PRKCE: variants seen among roughly 807,000 people sequenced by gnomAD.
PRKCE encodes protein kinase C epsilon type.
Under a neutral mutation model 85.4 loss-of-function variants are expected in PRKCE, and 16 were observed. That is an observed-to-expected ratio of 0.19 (90% CI 0.13 to 0.28). PRKCE has a LOEUF of 0.28. Among genes scored for constraint, PRKCE ranks in the 10% least tolerant of loss-of-function variants. PRKCE has a pLI of 1.00. For synonymous variants in PRKCE, 388 were observed against 371.5 expected, an observed-to-expected ratio of 1.04 and a Z score of -0.51; for missense variants, 573 against 975.2, an observed-to-expected ratio of 0.59 and a Z score of 5.49.
chr2:45,774,620 T>C lies in PRKCE; in HGVS notation c.349-68380T>C, dbSNP rs1685607082. On this transcript the variant is annotated intron_variant, in intron 1 of 14. Transcript: ENST00000306156. This position sits in a 1 kb window ranked among gnomAD's most constrained non-coding sequence, Gnocchi z 4.3. ...GAGCAGGCAGCCTGTGGGGTAGGGT[T>C]GCACTGAGAGGGGTATTCTGAAGCC... Among the ~76,000 whole-genome samples the C allele has an allele frequency of 6.6e-6, 1 of 152,116 alleles. No homozygotes were observed. Among genetic ancestry groups the C allele is most frequent in the Non-Finnish European group, 1.5e-5 (1 of 68,022 alleles).
Position 46,125,584 on chromosome 2 carries a change from G to GTCA in PRKCE, c.1593-19507_1593-19505dup, listed in dbSNP as rs1186930742. Among the ~76,000 whole-genome samples, 13 of 152,282 alleles carry GTCA rather than the reference G, an allele frequency of 8.5e-5. No homozygotes were observed. The South Asian group carries it at 2.7e-3, about 32-fold the overall frequency. On this transcript the variant is annotated intron_variant, in intron 11 of 14. Transcript: ENST00000306156. ...ACATCATCAGGAGAGAAATGAACTGGTCATTGACTTCATCTAGCCAAATTC... is the reference window on the plus strand; with the variant it reads ...ACATCATCAGGAGAGAAATGAACTGGTCATCATTGACTTCATCTAGCCAAATTC...
intron 2 of PRKCE, among the ~76,000 whole-genome samples, chr2:45,878,153 G>T (rs1362257159): frequency 1.3e-5 from 2 of 152,252 alleles, no homozygotes; most frequent in South Asian, 2.1e-4. Flanking sequence ...TCATTGGCTT[G>T]CCATGTGGCG....
chr2:45,798,994 C>T (rs1047775783), intron 1 of PRKCE, among the ~76,000 whole-genome samples: 19 of 151,884 alleles, frequency 1.3e-4, no homozygotes, highest in Middle Eastern at 3.4e-3. Flanking sequence ...GGTGAAACCC[C>T]GTCTCTACTA....
chr2:46,084,562 A>C (rs1283361920), intron 10 of PRKCE, among the ~76,000 whole-genome samples: 1 of 152,026 alleles, frequency 6.6e-6, no homozygotes, highest in Non-Finnish European at 1.5e-5. Context: ...TCTCTACTAA[A>C]AATAAAAAAA....
At chr2:46,025,051 G>A (rs752697195) in intron 10 of PRKCE, among the ~76,000 whole-genome samples, 3 of 152,046 alleles carry the variant, frequency 2.0e-5, no homozygotes, top group African/African-American at 4.8e-5. Flanking sequence ...AGGCTCCACT[G>A]AAAGAAAGCT....
chr2:45,998,768 CT>C (rs1308953984), intron 6 of PRKCE, among the ~76,000 whole-genome samples: 1 of 152,050 alleles, frequency 6.6e-6, no homozygotes, highest in African/African-American at 2.4e-5. Flanking sequence ...CATTTTCTGC[CT>C]TTTGTGGTTT....
chr2:45,863,573 C>A (rs1327946234), intron 2 of PRKCE, among the ~76,000 whole-genome samples: 1 of 152,068 alleles, frequency 6.6e-6, no homozygotes, highest in African/African-American at 2.4e-5. Flanking sequence ...GAGTCACAGG[C>A]AGTCCCTACT....
chr2:46,125,962 C>T (rs1673806504), intron 11 of PRKCE, among the ~76,000 whole-genome samples: 1 of 152,218 alleles, frequency 6.6e-6, no homozygotes. Flanking sequence ...TCTGCTCCAA[C>T]AGCATGGCAG....
At chr2:46,162,546 G>T (rs1677881004) in intron 14 of PRKCE, among the ~76,000 whole-genome samples, 1 of 152,152 alleles carries the variant, frequency 6.6e-6, no homozygotes, top group Admixed American at 6.5e-5. Flanking sequence ...CTGTGGAGGG[G>T]GGCGGGGTCA....
intron 8 of PRKCE, 124 bp from the exon 9 acceptor site, chr2:46,007,338 G>C: frequency 1.1e-6 from 1 of 897,786 alleles, no homozygotes; most frequent in Non-Finnish European, 1.7e-6. Flanking sequence ...TGTCACACTG[G>C]ATCTGTTGTG....
intron 10 of PRKCE, among the ~76,000 whole-genome samples, chr2:46,021,739 G>C (rs939507460): frequency 6.6e-6 from 1 of 152,090 alleles, no homozygotes; most frequent in African/African-American, 2.4e-5. Context: ...TATCTAACCC[G>C]GTCACCAAAC....
chr2:46,084,534 C>T (rs187281787), intron 10 of PRKCE, among the ~76,000 whole-genome samples: 118 of 151,968 alleles, frequency 7.8e-4, no homozygotes, highest in Non-Finnish European at 1.3e-3. Context: ...CCATCCTGGC[C>T]AACATGGTGA....
intron 1 of PRKCE, among the ~76,000 whole-genome samples, chr2:45,809,099 T>A (rs1462030313): frequency 6.6e-6 from 1 of 152,170 alleles, no homozygotes; most frequent in Non-Finnish European, 1.5e-5. Flanking sequence ...TTGGGCTTGG[T>A]GCATTCTAGC....
At chr2:45,979,862 C>CA (rs1702745527) in intron 4 of PRKCE, among the ~76,000 whole-genome samples, 1 of 152,162 alleles carries the variant, frequency 6.6e-6, no homozygotes, top group Admixed American at 6.5e-5. Flanking sequence ...AAAAAAGCCT[C>CA]AGAACCTCTG....
chr2:46,020,438 A>G (rs1706553522), intron 10 of PRKCE, among the ~76,000 whole-genome samples: 1 of 151,994 alleles, frequency 6.6e-6, no homozygotes, highest in Non-Finnish European at 1.5e-5. Flanking sequence ...TACCCATATT[A>G]TAATCTAATG....
chr2:45,651,985 G>C lies in PRKCE; in HGVS notation c.-116G>C. 2 of 790,530 alleles carry C rather than the reference G, an allele frequency of 2.5e-6. No homozygotes were observed. Among genetic ancestry groups the C allele is most frequent in the Non-Finnish European group, 4.1e-6 (2 of 485,166 alleles). 49.0% of individuals were successfully genotyped at this position (790,530 alleles called of 1,614,324 possible). A position where few individuals can be genotyped will look rare whatever the true frequency, so the allele number is the denominator to read the frequency against. ...GCCACAAGGTGTAGGGAGTGTGCGG[G>C]GTGGGGCGAAAGGGGACCCAAGAGT... On this transcript the variant is annotated 5_prime_UTR_variant, in exon 1 of 15. Coordinates refer to ENST00000306156, the MANE Select transcript of PRKCE (RefSeq NM_005400.3).
At chr2:46,087,206 T>G (rs991258207) in intron 11 of PRKCE, among the ~76,000 whole-genome samples, 2 of 151,938 alleles carry the variant, frequency 1.3e-5, no homozygotes, top group African/African-American at 2.4e-5. Context: ...TCGTTTCACC[T>G]AGAACTTGGT....
intron 2 of PRKCE, among the ~76,000 whole-genome samples, chr2:45,913,896 A>G (rs1697561084): frequency 6.6e-6 from 1 of 152,168 alleles, no homozygotes; most frequent in Non-Finnish European, 1.5e-5. Flanking sequence ...ATCCTGCCCA[A>G]ACTGGAGTGT....
At chr2:45,903,911 G>GTTT (rs1371845316) in intron 2 of PRKCE, among the ~76,000 whole-genome samples, 3 of 83,636 alleles carry the variant, frequency 3.6e-5, no homozygotes, top group African/African-American at 7.3e-5. Context: ...TTGTTTGTTT[G>GTTT]TTTGTTTTTT....
Sources: allele counts gnomAD v4.1 joint callset (sites outside exome capture counted in the v4.1 genomes callset), GRCh38; gene constraint gnomAD v4.1.1; non-coding constraint Gnocchi (gnomAD v3.1); transcripts MANE v1.5; gene names NCBI Gene and HGNC (gene_info 2026-07-23, HGNC 2026-07-21).